Variants in MSR1 observed in about 807,000 individuals in gnomAD.
The protein encoded by MSR1 is macrophage scavenger receptor 1, also known as macrophage scavenger receptor types I and II.
Under a neutral mutation model 47.2 loss-of-function variants are expected in MSR1, and 53 were observed. That is an observed-to-expected ratio of 1.12 (90% CI 0.90 to 1.41). The LOEUF (loss-of-function observed/expected upper bound fraction) is 1.41. Among genes scored for constraint, MSR1 ranks in the 40% most tolerant of loss-of-function variants. The probability of loss-of-function intolerance (pLI) is 0.00; values close to 1 mark genes in which losing one functional copy is unlikely to be tolerated. For missense variants in MSR1, 786 were observed against 546.9 expected (o/e 1.44, Z -4.36); for synonymous variants, 239 against 185.6 (o/e 1.29, Z -2.34).
intron 9 of MSR1, among the ~76,000 whole-genome samples, chr8:16,115,227 A>T (rs1433531000): frequency 6.6e-6 from 1 of 152,198 alleles, no homozygotes; most frequent in African/African-American, 2.4e-5. Context: ...AATGATGTAC[A>T]ATATGATATG....
intron 8 of MSR1, among the ~76,000 whole-genome samples, chr8:16,124,509 T>A (rs138376548): frequency 6.6e-6 from 1 of 152,128 alleles, no homozygotes; most frequent in Admixed American, 6.6e-5. Flanking sequence ...CTGCACTGCT[T>A]TGTCTTTTTA....
At chr8:16,120,180 A>G (rs528891335) in intron 9 of MSR1, among the ~76,000 whole-genome samples, 1 of 152,038 alleles carries the variant, frequency 6.6e-6, no homozygotes, top group Admixed American at 6.6e-5. Flanking sequence ...GATCGAGACC[A>G]TCCTGGCTAA....
In MSR1 at chr8:16,120,422, T is replaced by G. The variant is rs773730308; in HGVS notation, c.1218A>C (p.Gly406=). Residue 406 remains glycine (G), a synonymous_variant, in exon 9 of 10, where the codon GGA becomes GGC. Transcript: ENST00000262101. ...VQAVHKAAHF[G]QGTGPIWLNE... Reference sequence around the variant, plus strand: ...ACAAGATTTTCTTTAAATTACCTTGTCCAAAGTGAGCTGCCTTGTGCACGG... The same window carrying G: ...ACAAGATTTTCTTTAAATTACCTTGGCCAAAGTGAGCTGCCTTGTGCACGG... The G allele has an allele frequency of 6.2e-7, 1 of 1,613,686 alleles. No individual in the cohort carries two copies. The highest frequency in any genetic ancestry group is 2.2e-5 in the East Asian group (1 of 44,820).
chr8:16,184,625 A>T (rs781130306), intron 1 of MSR1, among the ~76,000 whole-genome samples: 3 of 152,158 alleles, frequency 2.0e-5, no homozygotes, highest in Non-Finnish European at 4.4e-5. Flanking sequence ...TATAACATTG[A>T]ATTACTATCT....
chr8:16,187,389 A>AAG (rs1421088739), intron 1 of MSR1, among the ~76,000 whole-genome samples: 1 of 132,780 alleles, frequency 7.5e-6, no homozygotes, highest in South Asian at 2.7e-4. Flanking sequence ...AAAAAAAAAA[A>AAG]GGAAAGAAAG....
intron 3 of MSR1, among the ~76,000 whole-genome samples, chr8:16,170,172 AC>A (rs1801440643): frequency 6.6e-6 from 1 of 151,752 alleles, no homozygotes; most frequent in African/African-American, 2.4e-5. Context: ...ACATGATGAA[AC>A]CCCGTCTCTG....
At chr8:16,120,367 A>G (rs745733597) in intron 9 of MSR1, 51 bp downstream of exon 9, 66 of 1,593,698 alleles carry the variant, frequency 4.1e-5, no homozygotes, top group South Asian at 2.3e-4. Context: ...ACAGAATGAG[A>G]CTCTGTCTGA....
At chr8:16,110,266 T>A in intron 9 of MSR1, 48 bp from the exon 10 acceptor site, 1 of 1,606,326 alleles carries the variant, frequency 6.2e-7, no homozygotes, top group Non-Finnish European at 8.5e-7. Flanking sequence ...AGTTTAGTGT[T>A]TCTCTTTGAG....
chr8:16,173,019 G>T (rs1801532206), intron 3 of MSR1, among the ~76,000 whole-genome samples: 1 of 152,134 alleles, frequency 6.6e-6, no homozygotes, highest in Non-Finnish European at 1.5e-5. Flanking sequence ...TAAGTGGATT[G>T]TGAATTGTTT....
In MSR1 at chr8:16,120,606, G is replaced by C; in HGVS notation, c.1034C>G (p.Thr345Ser). 1.3e-6 allele frequency: 2 copies of C among 1,533,510 alleles called. No homozygotes were observed. Among genetic ancestry groups the C allele is most frequent in the Non-Finnish European group, 1.7e-6 (2 of 1,158,746 alleles). The allele number at this position is 1,533,510 out of a possible 1,614,324, so 95.0% of individuals were successfully genotyped here. A position where few individuals can be genotyped will look rare whatever the true frequency, so the allele number is the denominator to read the frequency against. ...KGEKGSGNTL[T>S]PFTKVRLVGG... ...GACCAGTCGAACTTTCGTAAATGGA[G>C]CTGTAAAGTTAAAAAAAAAAAAAAA... is the stretch of plus-strand genomic sequence containing the variant. Residue 345 changes from threonine to serine, a missense_variant and splice_region_variant, in exon 9 of 10, where the codon ACT (threonine) becomes AGT (serine). Transcript: ENST00000262101.
chr8:16,186,656 C>G (rs1460328195), intron 1 of MSR1, among the ~76,000 whole-genome samples: 1 of 148,670 alleles, frequency 6.7e-6, no homozygotes, highest in Non-Finnish European at 1.5e-5. Context: ...TTTTTTGAGA[C>G]AAGGTCTTGC....
chr8:16,173,401 C>A (rs530950214), intron 3 of MSR1, among the ~76,000 whole-genome samples: 1 of 152,022 alleles, frequency 6.6e-6, no homozygotes, highest in African/African-American at 2.4e-5. Flanking sequence ...TGTAATAATC[C>A]CAACAATGAA....
intron 7 of MSR1, among the ~76,000 whole-genome samples, chr8:16,144,061 G>A (rs573241244): frequency 1.9e-4 from 29 of 152,084 alleles, no homozygotes; most frequent in Non-Finnish European, 3.8e-4. Context: ...TGACTTTCTG[G>A]GAGTGTTGAG....
chr8:16,140,876 G>A (rs1309753737), intron 8 of MSR1: 8 of 1,601,926 alleles, frequency 5.0e-6, no homozygotes, highest in Non-Finnish European at 6.8e-6. Context: ...TACAACACGG[G>A]AACCAAAGTC....
At chr8:16,113,688 A>G (rs368143979) in intron 9 of MSR1, among the ~76,000 whole-genome samples, 2 of 152,176 alleles carry the variant, frequency 1.3e-5, no homozygotes, top group African/African-American at 4.8e-5. Flanking sequence ...ATTTTATGAT[A>G]TGCAGAATAA....
chr8:16,158,930 AT>A (rs34495946), intron 5 of MSR1, among the ~76,000 whole-genome samples: 2,182 of 107,748 alleles, frequency 0.02, 41 homozygotes, highest in African/African-American at 0.06. Flanking sequence ...CCTTTGGTTA[AT>A]TTTTTTTTTT....
At chr8:16,189,094 C>A (rs539929074) in intron 1 of MSR1, among the ~76,000 whole-genome samples, 1 of 144,000 alleles carries the variant, frequency 6.9e-6, no homozygotes, top group African/African-American at 2.5e-5. Flanking sequence ...ATACGCAAAA[C>A]CTTATTTTAC....
chr8:16,163,759 G>C (rs1169969201), intron 5 of MSR1, among the ~76,000 whole-genome samples: 2 of 151,738 alleles, frequency 1.3e-5, no homozygotes, highest in Non-Finnish European at 3.0e-5. Context: ...TTGTGAACAT[G>C]TGAAGAAACT....
rs1263745261 is a variant in MSR1, at chr8:16,188,775, T to C, written c.-5+3823A>G. 4.6e-5 allele frequency among the ~76,000 whole-genome samples: 7 copies of C among 151,950 alleles called. No homozygotes were observed. In the South Asian group the frequency reaches 1.5e-3, roughly 32 times the overall value. ...GAACATGCAGTGTTTCTTTTTCTGTTCCTCTGTTAGTTTGCTGAGAATGAT... is the reference window on the plus strand; with the variant it reads ...GAACATGCAGTGTTTCTTTTTCTGTCCCTCTGTTAGTTTGCTGAGAATGAT... On this transcript the variant is annotated intron_variant, in intron 1 of 9. Transcript: ENST00000262101.
Sources: allele counts gnomAD v4.1 joint callset (sites outside exome capture counted in the v4.1 genomes callset), GRCh38; gene constraint gnomAD v4.1.1; transcripts MANE v1.5; gene names NCBI Gene and HGNC (gene_info 2026-07-23, HGNC 2026-07-21).